Variants in VPS13A observed in about 807,000 individuals in gnomAD.
VPS13A encodes intermembrane lipid transfer protein VPS13A.
A neutral mutation model predicts 390.9 loss-of-function variants in VPS13A; 264 were observed. That is an observed-to-expected ratio of 0.68 (90% CI 0.61 to 0.75). The LOEUF (loss-of-function observed/expected upper bound fraction) is 0.75. Among genes scored for constraint, VPS13A ranks in the 30% least tolerant of loss-of-function variants. The pLI, the probability that VPS13A is intolerant of heterozygous loss-of-function variation, is 0.00. For synonymous variants in VPS13A, 1,231 were observed against 1,227.1 expected, an observed-to-expected ratio of 1.00 and a Z score of -0.07; for missense variants, 3,409 against 3,733.9, an observed-to-expected ratio of 0.91 and a Z score of 2.27.
At position 77,223,302 on chromosome 9, in the gene VPS13A, A is replaced by G. The variant is rs546297332; in HGVS notation, c.1161+1946A>G. Among the ~76,000 whole-genome samples, 3 of 152,232 alleles carry G rather than the reference A, an allele frequency of 2.0e-5. No individual in the cohort carries two copies. In the East Asian group the frequency reaches 5.8e-4, roughly 29 times the overall value. On this transcript the variant is annotated intron_variant, in intron 13 of 71. Coordinates refer to ENST00000360280, the MANE Select transcript of VPS13A (RefSeq NM_033305.3). Reference sequence around the variant, plus strand: ...TGAAATTAGGCCGATTAATAGCCCTACAAAGGCCTCTAAGTGTTCAAATAT... The same window carrying G: ...TGAAATTAGGCCGATTAATAGCCCTGCAAAGGCCTCTAAGTGTTCAAATAT...
In VPS13A at chr9:77,238,008, A is replaced by G. The variant is rs765708251; in HGVS notation, c.1602A>G (p.Glu534=). ...TCTTTTTTTTTTAATGCAGATTTGA[A>G]ACTAAAATAGATTCATTTCATATTA... ...QRPGAQAIKF[E]TKIDSFHITG... The change falls in exon 18 of 72, where the codon GAA becomes GAG. Residue 534 remains glutamate (E), a synonymous_variant. Coordinates refer to ENST00000360280, the MANE Select transcript of VPS13A (RefSeq NM_033305.3). 1.2e-6 allele frequency: 2 copies of G among 1,607,196 alleles called. No homozygotes were observed. Among genetic ancestry groups the G allele is most frequent in the East Asian group, 2.2e-5 (1 of 44,776 alleles).
At chr9:77,217,289 G>A (rs1427931598) in intron 10 of VPS13A, among the ~76,000 whole-genome samples, 1 of 152,190 alleles carries the variant, frequency 6.6e-6, no homozygotes, top group Non-Finnish European at 1.5e-5. Flanking sequence ...CTCTGGAGGT[G>A]AAGCTCAGCA....
intron 38 of VPS13A, 95 bp from the exon 39 acceptor site, chr9:77,316,079 A>G (rs1829363869): frequency 1.5e-6 from 1 of 683,608 alleles, no homozygotes; most frequent in East Asian, 4.8e-5. Context: ...CTTTTGTTTT[A>G]CTTTTTACTA....
chr9:77,215,465 T>C (rs1215138875), intron 10 of VPS13A, among the ~76,000 whole-genome samples: 1 of 152,256 alleles, frequency 6.6e-6, no homozygotes, highest in African/African-American at 2.4e-5. Context: ...GTTTATGATT[T>C]TCAAATCCAT....
At chr9:77,220,444 C>G in intron 12 of VPS13A, 61 bp downstream of exon 12, 6 of 1,154,510 alleles carry the variant, frequency 5.2e-6, no homozygotes, top group Non-Finnish European at 3.7e-6. Context: ...AAATAAATTT[C>G]TCGACTTCAA....
intron 68 of VPS13A, chr9:77,395,841 TA>T (rs1834098379): frequency 6.6e-6 from 1 of 152,188 alleles, no homozygotes; most frequent in African/African-American, 2.4e-5. Flanking sequence ...TTTAAGAATT[TA>T]AAAAAGAATC....
intron 20 of VPS13A, among the ~76,000 whole-genome samples, chr9:77,249,237 A>T (rs1223425304): frequency 2.0e-5 from 3 of 152,204 alleles, no homozygotes; most frequent in Non-Finnish European, 2.9e-5. Flanking sequence ...TCCTATTTTT[A>T]AAAATTCTGC....
rs1379101120 is a variant in VPS13A at position 77,344,261 on chromosome 9, C to G, written c.7135C>G (p.Leu2379Val). The G allele has an allele frequency of 6.2e-7, 1 of 1,613,132 alleles. No individual in the cohort carries two copies. Among genetic ancestry groups the G allele is most frequent in the Non-Finnish European group, 8.5e-7 (1 of 1,179,654 alleles). The change falls in exon 51 of 72, where the codon CTA (leucine) becomes GTA (valine). Residue 2379 changes from leucine (L) to valine (V), a missense_variant. Physicochemically the swap from Leu to Val is conservative, Grantham distance 32 (BLOSUM62 1). This residue lies in a region of VPS13A where 2,717 missense variants were observed against 2,917.4 expected (regional missense o/e 0.93). Transcript: ENST00000360280. Reference sequence around the variant, plus strand: ...TTTTAACAAGCAGGAAAATTGTATTCTATTGCGTCTAGATAACGAGGTAAG... The same window carrying G: ...TTTTAACAAGCAGGAAAATTGTATTGTATTGCGTCTAGATAACGAGGTAAG... The part of the protein sequence containing the change: ...IYFNKQENCI[L>V]LRLDNELGGI...
rs190685669 is a variant in VPS13A, at chr9:77,276,989, G to A, written c.2824+768G>A. ...TTCTCAGATTCCGGGGGATTAGAGCGTAGGTATCTTTGTTGGGGGCAGAGG... is the reference window on the plus strand; with the variant it reads ...TTCTCAGATTCCGGGGGATTAGAGCATAGGTATCTTTGTTGGGGGCAGAGG... On this transcript the variant is annotated intron_variant, in intron 26 of 71. Coordinates refer to ENST00000360280, the MANE Select transcript of VPS13A (RefSeq NM_033305.3). Among the ~76,000 whole-genome samples, 339 of 152,268 alleles carry A rather than the reference G, an allele frequency of 2.2e-3. 1 individual carries two copies. The highest frequency in any genetic ancestry group is 0.01 in the Middle Eastern group (3 of 294).
chr9:77,294,406 A>G (rs1430197199), intron 32 of VPS13A, among the ~76,000 whole-genome samples: 1 of 152,036 alleles, frequency 6.6e-6, no homozygotes, highest in African/African-American at 2.4e-5. Context: ...TGTCACACCT[A>G]TCTCCATAAC....
intron 2 of VPS13A, among the ~76,000 whole-genome samples, chr9:77,200,378 G>T (rs1359962727): frequency 6.6e-6 from 1 of 152,042 alleles, no homozygotes; most frequent in Non-Finnish European, 1.5e-5. Context: ...AATCCCAGCT[G>T]CCAGGGAGGA....
chr9:77,240,350 G>A (rs932234309), intron 19 of VPS13A, among the ~76,000 whole-genome samples: 1 of 151,348 alleles, frequency 6.6e-6, no homozygotes, highest in African/African-American at 2.4e-5. Context: ...ACCTCCCAAA[G>A]TGCTGGGATT....
intron 23 of VPS13A, among the ~76,000 whole-genome samples, chr9:77,272,432 A>G (rs1025030632): frequency 2.6e-5 from 4 of 152,252 alleles, no homozygotes; most frequent in African/African-American, 9.6e-5. Flanking sequence ...GCAAAAATCT[A>G]TAAGCAACAC....
chr9:77,280,539 A>G (rs1247938721), intron 27 of VPS13A, among the ~76,000 whole-genome samples: 1 of 151,950 alleles, frequency 6.6e-6, no homozygotes, highest in African/African-American at 2.4e-5. Flanking sequence ...GTTAGAGTGT[A>G]TTGTTTTATG....
intron 31 of VPS13A, among the ~76,000 whole-genome samples, chr9:77,292,492 G>A (rs1306204035): frequency 6.6e-6 from 1 of 151,928 alleles, no homozygotes; most frequent in African/African-American, 2.4e-5. Context: ...CTTAAGGTTT[G>A]GAGGGGCCCT....
At chr9:77,414,646 G>A (rs1243616057) in intron 71 of VPS13A, among the ~76,000 whole-genome samples, 5 of 151,774 alleles carry the variant, frequency 3.3e-5, no homozygotes, top group East Asian at 1.9e-4. Flanking sequence ...GTTAAATGAC[G>A]AGTTGATGGG....
chr9:77,361,042 T>C (rs1455169044), intron 59 of VPS13A, among the ~76,000 whole-genome samples: 2 of 152,090 alleles, frequency 1.3e-5, no homozygotes, highest in African/African-American at 4.8e-5. Flanking sequence ...ATCATAGTTA[T>C]AAAGTGGGTC....
chr9:77,287,877 A>G (rs1298419386), intron 31 of VPS13A, among the ~76,000 whole-genome samples: 1 of 152,198 alleles, frequency 6.6e-6, no homozygotes, highest in African/African-American at 2.4e-5. Flanking sequence ...TTTACTTTTT[A>G]AAGTAAGATT....
intron 34 of VPS13A, among the ~76,000 whole-genome samples, chr9:77,305,883 G>C (rs1828711137): frequency 6.6e-6 from 1 of 152,196 alleles, no homozygotes; most frequent in Non-Finnish European, 1.5e-5. Flanking sequence ...AGATACTGCA[G>C]ATCAGCAGCC....
Sources: allele counts gnomAD v4.1 joint callset (sites outside exome capture counted in the v4.1 genomes callset), GRCh38; gene constraint gnomAD v4.1.1; regional missense constraint gnomAD v4.1.1; transcripts MANE v1.5; gene names NCBI Gene and HGNC (gene_info 2026-07-23, HGNC 2026-07-21).